The following TP53BP1 variants were observed in gnomAD, a reference collection of about 807,000 sequenced individuals.
TP53BP1 encodes TP53-binding protein 1.
Under a neutral mutation model 200.8 loss-of-function variants are expected in TP53BP1, and 61 were observed. That is an observed-to-expected ratio of 0.30 (90% CI 0.25 to 0.38). The LOEUF (loss-of-function observed/expected upper bound fraction) is 0.38, where lower values mean the gene tolerates loss of function less well. Ranked by LOEUF, TP53BP1 falls within the 10% of genes least tolerant of loss-of-function variation. The probability of loss-of-function intolerance (pLI) is 1.00; values close to 1 mark genes in which losing one functional copy is unlikely to be tolerated. For missense variants in TP53BP1, 2,144 were observed against 2,371.9 expected (o/e 0.90, Z 2.00); for synonymous variants, 822 against 844.3 (o/e 0.97, Z 0.46).
Position 43,432,197 on chromosome 15 carries a change from G to A in TP53BP1, c.3672C>T (p.Ser1224=). 6.2e-7 allele frequency: 1 copy of A among 1,613,422 alleles called. No individual in the cohort carries two copies. The highest frequency in any genetic ancestry group is 8.5e-7 in the Non-Finnish European group (1 of 1,179,604). Residue 1224 remains serine, a synonymous_variant, in exon 17 of 28, where the codon AGC becomes AGT. Transcript: ENST00000382044. ...GCACCCTAGTATGTTCTCTCACCTG[G>A]CTATGGAGCGACTCTGTATCATCCC... The part of the protein sequence containing the change: ...APGDDTESLH[S]QGEEEFDMPQ...
At chr15:43,503,552 G>A (rs553377906) in intron 1 of TP53BP1, among the ~76,000 whole-genome samples, 17 of 152,108 alleles carry the variant, frequency 1.1e-4, no homozygotes, top group Admixed American at 8.5e-4. Flanking sequence ...CCAGCTACTC[G>A]GGAGGCTGAG....
At chr15:43,425,542 G>A (rs2045506709) in intron 18 of TP53BP1, among the ~76,000 whole-genome samples, 1 of 152,186 alleles carries the variant, frequency 6.6e-6, no homozygotes, top group African/African-American at 2.4e-5. Context: ...GCTCCCTTGA[G>A]CCAGGAGGTC....
intron 16 of TP53BP1, among the ~76,000 whole-genome samples, chr15:43,437,445 C>A (rs1331984464): frequency 6.6e-6 from 1 of 152,052 alleles, no homozygotes; most frequent in Non-Finnish European, 1.5e-5. Flanking sequence ...CCAGACTGGA[C>A]AACACAGTGA....
At chr15:43,453,569 TAATA>T (rs1348027735) in intron 12 of TP53BP1, among the ~76,000 whole-genome samples, 1 of 151,350 alleles carries the variant, frequency 6.6e-6, no homozygotes, top group Non-Finnish European at 1.5e-5. Context: ...ATATAAAAGC[TAATA>T]AATAGGGACT....
intron 4 of TP53BP1, among the ~76,000 whole-genome samples, chr15:43,489,875 T>C (rs965032686): frequency 2.6e-5 from 4 of 152,124 alleles, no homozygotes; most frequent in African/African-American, 9.7e-5. Context: ...AAAAAAAAAT[T>C]ACGTACAGAC....
chr15:43,423,275 T>C (rs1259992363), intron 18 of TP53BP1, among the ~76,000 whole-genome samples: 1 of 151,326 alleles, frequency 6.6e-6, no homozygotes, highest in East Asian at 1.9e-4. Flanking sequence ...TCTGCCTTCC[T>C]AGTCTAGAAT....
At chr15:43,462,983 G>A (rs1316562917) in intron 11 of TP53BP1, among the ~76,000 whole-genome samples, 1 of 152,176 alleles carries the variant, frequency 6.6e-6, no homozygotes, top group African/African-American at 2.4e-5. Flanking sequence ...CTTGAACTCA[G>A]GAGGAGGAGG....
intron 4 of TP53BP1, among the ~76,000 whole-genome samples, chr15:43,489,966 G>A (rs964354649): frequency 2.0e-5 from 3 of 152,124 alleles, no homozygotes; most frequent in African/African-American, 7.2e-5. Flanking sequence ...AGGCTGGAGT[G>A]CAGCGGCACA....
upstream of TP53BP1, among the ~76,000 whole-genome samples, chr15:43,493,663 C>T (rs1426814154): frequency 1.3e-5 from 2 of 152,166 alleles, no homozygotes; most frequent in African/African-American, 2.4e-5. Context: ...TGGGCCTCTA[C>T]CCTGAATCCA....
upstream of TP53BP1, among the ~76,000 whole-genome samples, chr15:43,497,774 G>A (rs188416100): frequency 9.8e-5 from 15 of 152,288 alleles, no homozygotes; most frequent in East Asian, 2.7e-3. Context: ...GCTTCAGTTT[G>A]GGAAGATGAA....
chr15:43,474,431 C>G lies in TP53BP1; in HGVS notation c.1180+242G>C, dbSNP rs1237981731. Among the ~76,000 whole-genome samples the G allele has an allele frequency of 1.4e-4, 19 of 135,280 alleles. No homozygotes were observed. In the Admixed American group the frequency reaches 1.5e-3, roughly 11 times the overall value. 88.7% of individuals were successfully genotyped at this position (135,280 alleles called of 152,430 possible). A position where few individuals can be genotyped will look rare whatever the true frequency, so the allele number is the denominator to read the frequency against. The stretch of plus-strand genomic sequence containing the variant: ...GAGGGCTGTGAGGACTGCCAGCACG[C>G]TGTCACCTCTCAATGGGGTTAGACA... On this transcript the variant is annotated intron_variant, in intron 10 of 27. Coordinates refer to ENST00000382044, the MANE Select transcript of TP53BP1 (RefSeq NM_001141980.3).
intron 11 of TP53BP1, among the ~76,000 whole-genome samples, chr15:43,463,640 A>C (rs2046493298): frequency 6.6e-6 from 1 of 152,182 alleles, no homozygotes; most frequent in Admixed American, 6.5e-5. Flanking sequence ...GAGAACTGCA[A>C]AAAAAATCTG....
At chr15:43,416,095 T>C (rs2045260395) in intron 22 of TP53BP1, 130 bp downstream of exon 22, 2 of 874,196 alleles carry the variant, frequency 2.3e-6, no homozygotes, top group Non-Finnish European at 3.5e-6. Context: ...TGACAGCTCA[T>C]CCACCATCTG....
Position 43,426,616 on chromosome 15 carries a change from C to G in TP53BP1, c.3828+1400G>C, listed in dbSNP as rs140720652. Among the ~76,000 whole-genome samples, 292 of 152,040 alleles carry G rather than the reference C, an allele frequency of 1.9e-3. 1 individual carries two copies. Among genetic ancestry groups the G allele is most frequent in the Admixed American group, 4.7e-3 (71 of 15,268 alleles). On this transcript the variant is annotated intron_variant, in intron 18 of 27. Coordinates refer to ENST00000382044, the MANE Select transcript of TP53BP1 (RefSeq NM_001141980.3). ...CACTGAAAAATAGTAATAATATGTTCTATTTAATAAAACTATACACTAGAG... is the reference window on the plus strand; with the variant it reads ...CACTGAAAAATAGTAATAATATGTTGTATTTAATAAAACTATACACTAGAG...
intron 11 of TP53BP1, among the ~76,000 whole-genome samples, chr15:43,466,581 G>A (rs1050862275): frequency 3.9e-5 from 6 of 152,100 alleles, no homozygotes; most frequent in African/African-American, 9.7e-5. Flanking sequence ...GGCTGGGCAC[G>A]GTAGCTCACA....
rs202092437 is a variant in TP53BP1, at chr15:43,479,947, A to C, written c.570T>G (p.Thr190=). 10 of 1,614,056 alleles carry C rather than the reference A, an allele frequency of 6.2e-6. No homozygotes were observed. Among genetic ancestry groups the C allele is most frequent in the Non-Finnish European group, 8.5e-6 (10 of 1,180,032 alleles). ...LSQSQDVEEN[T]VPYEVDKEQL... ...GCTCTTTGTCCACTTCATATGGCAC[A>C]GTATTTTCCTCAACATCCTGGCTCT... The change falls in exon 6 of 28, where the codon ACT becomes ACG. Residue 190 remains threonine (T), a synonymous_variant. Coordinates refer to ENST00000382044, the MANE Select transcript of TP53BP1 (RefSeq NM_001141980.3).
intron 1 of TP53BP1, among the ~76,000 whole-genome samples, chr15:43,501,194 A>G (rs1354906964): frequency 6.9e-6 from 1 of 145,740 alleles, no homozygotes. Context: ...TATAGCTCTT[A>G]ATTGTGTAAT....
In TP53BP1 at chr15:43,405,055, T is replaced by C. The variant is rs1473878162; in HGVS notation, c.*2328A>G. 7.1e-6 allele frequency: 6 copies of C among 850,316 alleles called. No individual in the cohort carries two copies. In the Admixed American group the frequency reaches 8.4e-5, roughly 12 times the overall value. The allele number at this position is 850,316 out of a possible 1,614,324, so 52.7% of individuals were successfully genotyped here. On this transcript the variant is annotated 3_prime_UTR_variant, in exon 28 of 28. Transcript: ENST00000382044. ...TAAAATGTCTGCAAGCAGATTTTTT[T>C]CTAAGCTATTGTAGCAGAAGAGTCA...
intron 14 of TP53BP1, among the ~76,000 whole-genome samples, chr15:43,443,211 TACAA>T (rs1455652507): frequency 6.6e-6 from 1 of 152,064 alleles, no homozygotes; most frequent in African/African-American, 2.4e-5. Flanking sequence ...TATGTAATAA[TACAA>T]AATTAAAAAC....
Sources: allele counts gnomAD v4.1 joint callset (sites outside exome capture counted in the v4.1 genomes callset), GRCh38; gene constraint gnomAD v4.1.1; transcripts MANE v1.5; gene names NCBI Gene and HGNC (gene_info 2026-07-23, HGNC 2026-07-21).